Variants in PLXDC1 observed in about 807,000 individuals in gnomAD.
PLXDC1 encodes plexin domain containing 1, also known as plexin domain-containing protein 1.
A neutral mutation model predicts 61.3 loss-of-function variants in PLXDC1; 39 were observed. The ratio of observed to expected loss-of-function variants is 0.64; its 90% CI spans 0.49 to 0.83. PLXDC1 has a LOEUF of 0.83. PLXDC1 is among the 40% of genes least tolerant of loss of function. The pLI is 0.00. For missense variants in PLXDC1, 596 were observed against 666.5 expected (o/e 0.89, Z 1.17); for synonymous variants, 212 against 254.5 (o/e 0.83, Z 1.59).
rs1468108167 is a variant in PLXDC1, at chr17:39,106,659, T to C, written c.712-706A>G. Among the ~76,000 whole-genome samples the C allele has an allele frequency of 1.4e-5, 2 of 147,226 alleles. 1 individual carries two copies. Among genetic ancestry groups the C allele is most frequent in the Non-Finnish European group, 3.0e-5 (2 of 66,476 alleles). ...TCTTTTTTCTTTTTCTTTCTTTTTT[T>C]TTTTTTTTGAGACAGATTCTCACTC... On this transcript the variant is annotated intron_variant, in intron 6 of 13. Transcript: ENST00000315392.
intron 2 of PLXDC1, among the ~76,000 whole-genome samples, chr17:39,122,178 G>A (rs564573805): frequency 3.4e-5 from 5 of 147,500 alleles, no homozygotes; most frequent in South Asian, 2.2e-4. Flanking sequence ...CGAGGTAGGC[G>A]GATCACTTGA....
At chr17:39,094,414 C>G (rs773917624) in intron 7 of PLXDC1, among the ~76,000 whole-genome samples, 2 of 152,178 alleles carry the variant, frequency 1.3e-5, no homozygotes, top group Non-Finnish European at 2.9e-5. Flanking sequence ...CTTGCTTCAA[C>G]TGCCTCATAC....
At position 39,106,648 on chromosome 17, in the gene PLXDC1, C is replaced by CTTTTTTTTTT. The variant is rs199666120; in HGVS notation, c.712-696_712-695insAAAAAAAAAA. On this transcript the variant is annotated intron_variant, in intron 6 of 13. Coordinates refer to ENST00000315392, the MANE Select transcript of PLXDC1 (RefSeq NM_020405.5). ...GCCTTCTTTTTTCTTTTTTCTTTTT[C>CTTTTTTTTTT]TTTCTTTTTTTTTTTTTTTGAGACA... Among the ~76,000 whole-genome samples the CTTTTTTTTTT allele has an allele frequency of 3.3e-5, 4 of 122,592 alleles. 1 individual carries two copies. The highest frequency in any genetic ancestry group is 1.7e-5 in the Non-Finnish European group (1 of 60,098). The allele number at this position is 122,592 out of a possible 152,430, so 80.4% of individuals were successfully genotyped here. A position where few individuals can be genotyped will look rare whatever the true frequency, so the allele number is the denominator to read the frequency against.
At chr17:39,100,777 CAG>C (rs1276743932) in intron 7 of PLXDC1, among the ~76,000 whole-genome samples, 5 of 152,206 alleles carry the variant, frequency 3.3e-5, no homozygotes, top group Non-Finnish European at 4.4e-5. Context: ...ACCAACCAGT[CAG>C]AGCAGATGCT....
At chr17:39,103,435 T>C (rs1274108875) in intron 7 of PLXDC1, among the ~76,000 whole-genome samples, 2 of 151,872 alleles carry the variant, frequency 1.3e-5, no homozygotes, top group Non-Finnish European at 2.9e-5. Flanking sequence ...CCCAGCTTCT[T>C]GGGAGGCTGA....
intron 2 of PLXDC1, among the ~76,000 whole-genome samples, chr17:39,124,604 T>C (rs914665542): frequency 6.6e-6 from 1 of 152,200 alleles, no homozygotes; most frequent in Non-Finnish European, 1.5e-5. Flanking sequence ...AAAAAGTTTT[T>C]AATTAAATTA....
chr17:39,150,882 T>C (rs1276400543), intron 1 of PLXDC1, among the ~76,000 whole-genome samples: 1 of 152,174 alleles, frequency 6.6e-6, no homozygotes, highest in Non-Finnish European at 1.5e-5. Flanking sequence ...GCAGAGACGC[T>C]GTGTCCCCAC....
chr17:39,083,571 A>C (rs767615355), intron 8 of PLXDC1, 31 bp from the exon 9 acceptor site: 13 of 1,540,644 alleles, frequency 8.4e-6, no homozygotes, highest in Admixed American at 5.4e-5. Context: ...GCCGCTCAGC[A>C]CCGAGCCTCT....
intron 11 of PLXDC1, among the ~76,000 whole-genome samples, chr17:39,075,548 T>A (rs926023445): frequency 2.0e-5 from 3 of 152,218 alleles, no homozygotes; most frequent in Non-Finnish European, 4.4e-5. Context: ...GTCATCTGCC[T>A]CTCTGAGCCT....
intron 4 of PLXDC1, 131 bp from the exon 5 acceptor site, chr17:39,108,376 C>A: frequency 1.1e-6 from 1 of 948,798 alleles, no homozygotes; most frequent in Non-Finnish European, 1.6e-6. Flanking sequence ...TGTCGCCCAT[C>A]CCCATCTGGC....
chr17:39,147,875 A>G (rs529639996), intron 1 of PLXDC1, among the ~76,000 whole-genome samples: 95 of 152,266 alleles, frequency 6.2e-4, no homozygotes, highest in African/African-American at 2.3e-3. Flanking sequence ...GGAAGAGTCT[A>G]GTTTTCTTCA....
chr17:39,076,366 C>T (rs2143308372), intron 11 of PLXDC1, among the ~76,000 whole-genome samples: 1 of 151,506 alleles, frequency 6.6e-6, no homozygotes, highest in South Asian at 2.1e-4. Context: ...TAAAAATTAG[C>T]CAGGTATGGT....
In PLXDC1 at chr17:39,151,484, G is replaced by T; in HGVS notation, c.-47C>A. 1 of 1,236,226 alleles carries T rather than the reference G, an allele frequency of 8.1e-7. No homozygotes were observed. The highest frequency in any genetic ancestry group is 3.8e-5 in the South Asian group (1 of 26,438). The allele number at this position is 1,236,226 out of a possible 1,614,324, so 76.6% of individuals were successfully genotyped here. On this transcript the variant is annotated 5_prime_UTR_variant, in exon 1 of 14. Transcript: ENST00000315392. This position sits in a 1 kb window ranked among gnomAD's most constrained non-coding sequence, Gnocchi z 5.2. The stretch of plus-strand genomic sequence containing the variant: ...CCGGCCTGCTTGCTGCCCCGGTCCT[G>T]ACGAGGGAGGGGGCCCTGGCTCAGG...
chr17:39,107,577 G>A (rs3025157), intron 5 of PLXDC1, 52 bp from the exon 6 acceptor site: 4 of 1,337,574 alleles, frequency 3.0e-6, no homozygotes, highest in Non-Finnish European at 2.2e-6. Context: ...CAAGGAGCAG[G>A]GCCCTACAGA....
intron 4 of PLXDC1, 63 bp downstream of exon 4, chr17:39,108,841 A>T: frequency 9.1e-7 from 1 of 1,099,186 alleles, no homozygotes; most frequent in Non-Finnish European, 1.4e-6. Flanking sequence ...CACCCCTGGG[A>T]GGGCCCCTGA....
chr17:39,139,650 T>TCAC lies in PLXDC1; in HGVS notation c.255+1_255+3dup. On this transcript the variant is annotated splice_donor_region_variant and intron_variant, in intron 2 of 13. Coordinates refer to ENST00000315392, the MANE Select transcript of PLXDC1 (RefSeq NM_020405.5). Reference sequence around the variant, plus strand: ...CTCCCCCTCCATGTTCCTCCAGCACTCACCACCACCCTGGTCCTGTTATCT... The same window carrying TCAC: ...CTCCCCCTCCATGTTCCTCCAGCACTCACCACCACCACCCTGGTCCTGTTATCT... The TCAC allele has an allele frequency of 6.6e-7, 1 of 1,510,604 alleles. No individual in the cohort carries two copies. The highest frequency in any genetic ancestry group is 9.0e-7 in the Non-Finnish European group (1 of 1,109,116). The allele number at this position is 1,510,604 out of a possible 1,614,324, so 93.6% of individuals were successfully genotyped here.
At chr17:39,128,088 T>TATGTGTGTGTATATATATATA (rs1213213801) in intron 2 of PLXDC1, among the ~76,000 whole-genome samples, 3 of 104,674 alleles carry the variant, frequency 2.9e-5, no homozygotes, top group Non-Finnish European at 5.8e-5. Flanking sequence ...TCTCTCTCTC[T>TATGTGTGTGTATATATATATA]CTCTATGTGT....
In PLXDC1 at chr17:39,088,389, C is replaced by G. The variant is rs1349284343; in HGVS notation, c.812-687G>C. ...GAAACTTCTCACAGGACCTCAGAGTCAGGAGATCCAAGTTCGTTCTAGTTC... is the reference window on the plus strand; with the variant it reads ...GAAACTTCTCACAGGACCTCAGAGTGAGGAGATCCAAGTTCGTTCTAGTTC... On this transcript the variant is annotated intron_variant, in intron 7 of 13. Transcript: ENST00000315392. Among the ~76,000 whole-genome samples the G allele has an allele frequency of 2.6e-5, 4 of 152,336 alleles. No homozygotes were observed. In the East Asian group the frequency reaches 7.7e-4, roughly 29 times the overall value.
intron 8 of PLXDC1, among the ~76,000 whole-genome samples, chr17:39,084,560 T>A (rs1909673445): frequency 6.6e-6 from 1 of 152,246 alleles, no homozygotes; most frequent in Admixed American, 6.5e-5. Context: ...AAAACAGCTC[T>A]CCTGGGAGAG....
Sources: gnomAD v4.1 joint callset for allele counts (sites outside exome capture counted in the v4.1 genomes callset) on GRCh38, gnomAD v4.1.1 for gene constraint, Gnocchi (gnomAD v3.1) non-coding constraint, MANE v1.5 for transcripts, NCBI Gene and HGNC (gene_info 2026-07-23, HGNC 2026-07-21) for gene names.